Variants in PYROXD2 observed in about 807,000 individuals in gnomAD.
The protein encoded by PYROXD2 is pyridine nucleotide-disulfide oxidoreductase domain-containing protein 2.
PYROXD2 carries 69 observed loss-of-function variants against 71.1 expected under a neutral mutation model. The ratio of observed to expected loss-of-function variants is 0.97; its 90% confidence interval spans 0.80 to 1.19. The LOEUF (loss-of-function observed/expected upper bound fraction) is 1.19, where lower values mean the gene tolerates loss of function less well. Ranked by LOEUF, PYROXD2 falls within the 50% of genes most tolerant of loss-of-function variation. The pLI is 0.00. For synonymous variants in PYROXD2, 287 were observed against 302.7 expected, an observed-to-expected ratio of 0.95 and a Z score of 0.54; for missense variants, 745 against 748.9, an observed-to-expected ratio of 0.99 and a Z score of 0.06.
chr10:98,410,538 A>G (rs143454109), intron 2 of PYROXD2: 68 of 222,886 alleles, frequency 3.1e-4, no homozygotes, highest in African/African-American at 1.5e-3. Context: ...ACAGGGCTCT[A>G]GACACAAGGG....
At chr10:98,394,112 C>T (rs568732898) in intron 8 of PYROXD2, among the ~76,000 whole-genome samples, 2 of 152,214 alleles carry the variant, frequency 1.3e-5, no homozygotes, top group Non-Finnish European at 2.9e-5. Context: ...CATCATCACT[C>T]GCTCTGTGTC....
At chr10:98,410,606 T>G in intron 2 of PYROXD2, 3 of 343,262 alleles carry the variant, frequency 8.7e-6, no homozygotes, top group African/African-American at 2.1e-5. Context: ...AATCCCCTGG[T>G]TCCCACCTGC....
intron 2 of PYROXD2, 84 bp downstream of exon 2, chr10:98,410,855 C>A: frequency 6.5e-7 from 1 of 1,548,388 alleles, no homozygotes; most frequent in Non-Finnish European, 8.7e-7. Flanking sequence ...CCTTATCCCA[C>A]CTGCTTCTTC....
At chr10:98,394,645 T>C (rs920676424) in intron 8 of PYROXD2, among the ~76,000 whole-genome samples, 1 of 151,876 alleles carries the variant, frequency 6.6e-6, no homozygotes, top group South Asian at 2.1e-4. Context: ...TTGCTGTGTC[T>C]GACTGCCACC....
At position 98,386,104 on chromosome 10, in the gene PYROXD2, C is replaced by A. The variant is rs551070354; in HGVS notation, c.1555-1037G>T. On this transcript the variant is annotated intron_variant, in intron 14 of 15. Transcript: ENST00000370575. ...CCAGCCTAGACAACACAGGGAGACT[C>A]ATCTCTACAAAAAAAAAAAAAAATT... Among the ~76,000 whole-genome samples, 490 of 141,326 alleles carry A rather than the reference C, an allele frequency of 3.5e-3. 4 individuals are homozygous for A. Among genetic ancestry groups the A allele is most frequent in the Non-Finnish European group, 5.7e-3 (374 of 65,888 alleles). The allele number at this position is 141,326 out of a possible 152,430, so 92.7% of individuals were successfully genotyped here.
intron 4 of PYROXD2, among the ~76,000 whole-genome samples, chr10:98,405,757 G>C (rs1318577511): frequency 6.6e-6 from 1 of 152,236 alleles, no homozygotes; most frequent in African/African-American, 2.4e-5. Flanking sequence ...AGAGACGTGT[G>C]AGTCTGGGCG....
rs1018837828 is a variant in PYROXD2 at position 98,415,099 on chromosome 10, C to T, written c.37G>A (p.Ala13Thr). The T allele has an allele frequency of 1.2e-6, 2 of 1,613,880 alleles. No homozygotes were observed. The highest frequency in any genetic ancestry group is 8.5e-7 in the Non-Finnish European group (1 of 1,179,964). ...ASGRGLCKAV[A>T]ASPFPAWRRD... is the part of the protein sequence containing the mutation. ...CTCCACGCCGGGAAGGGAGAGGCGG[C>T]CACAGCCTTGCAGAGACCTCGGCCA... Residue 13 changes from alanine (A) to threonine (T), a missense_variant, in exon 1 of 16, where the codon GCC becomes ACC. Transcript: ENST00000370575.
chr10:98,412,588 A>C (rs570561357), intron 1 of PYROXD2, among the ~76,000 whole-genome samples: 16 of 152,242 alleles, frequency 1.1e-4, no homozygotes, highest in African/African-American at 3.6e-4. Flanking sequence ...ATTTAGTCAA[A>C]TGACTAAATG....
intron 14 of PYROXD2, among the ~76,000 whole-genome samples, chr10:98,386,319 A>C: frequency 8.3e-6 from 1 of 119,766 alleles, no homozygotes. Flanking sequence ...GGAAACAAGG[A>C]AGGGAGGGAG....
chr10:98,414,044 A>G (rs1161247635), intron 1 of PYROXD2: 1 of 151,942 alleles, frequency 6.6e-6, no homozygotes, highest in Non-Finnish European at 1.5e-5. Context: ...GTGTATATAT[A>G]TGTACGTAAC....
chr10:98,391,003 C>A lies in PYROXD2; in HGVS notation c.1135+7G>T. 1 of 1,607,544 alleles carries A rather than the reference C, an allele frequency of 6.2e-7. No individual in the cohort carries two copies. The highest frequency in any genetic ancestry group is 2.2e-5 in the East Asian group (1 of 44,856). On this transcript the variant is annotated splice_region_variant and intron_variant, in intron 11 of 15. Coordinates refer to ENST00000370575, the MANE Select transcript of PYROXD2 (RefSeq NM_032709.3). ...GAGACAGTGCTGCAATGTGGTGTGC[C>A]TCTTACCATTGATCTTGGTGACAGG...
intron 1 of PYROXD2, 172 bp downstream of exon 1, chr10:98,414,837 G>C (rs886874025): frequency 2.3e-5 from 23 of 1,004,730 alleles, no homozygotes; most frequent in South Asian, 8.2e-5. Context: ...GTGCCTGCCT[G>C]CCAGATGGAA....
At chr10:98,391,233 C>A (rs976877340) in intron 10 of PYROXD2, 151 bp from the exon 11 acceptor site, 40 of 639,730 alleles carry the variant, frequency 6.3e-5, no homozygotes, top group Non-Finnish European at 9.6e-5. Context: ...CCCTGTGAAG[C>A]CTTCCTAGAT....
At chr10:98,384,813 CA>C in intron 15 of PYROXD2, 133 bp downstream of exon 15, 1 of 1,299,700 alleles carries the variant, frequency 7.7e-7, no homozygotes, top group Non-Finnish European at 1.0e-6. Flanking sequence ...GAACACAGGG[CA>C]GCTTATGTTG....
chr10:98,414,873 G>A, intron 1 of PYROXD2, 136 bp downstream of exon 1: 1 of 1,309,468 alleles, frequency 7.6e-7, no homozygotes, highest in Non-Finnish European at 1.0e-6. Flanking sequence ...GCCCCTGCTA[G>A]CGTATAAACT....
Position 98,400,213 on chromosome 10 carries a change from G to A in PYROXD2, c.360C>T (p.Thr120=), listed in dbSNP as rs758925236. 1.2e-6 allele frequency: 2 copies of A among 1,612,862 alleles called. No individual in the cohort carries two copies. Among genetic ancestry groups the A allele is most frequent in the Non-Finnish European group, 1.7e-6 (2 of 1,179,418 alleles). Residue 120 remains threonine (T), a synonymous_variant, in exon 5 of 16, where the codon ACC becomes ACT. Coordinates refer to ENST00000370575, the MANE Select transcript of PYROXD2 (RefSeq NM_032709.3). ...RLHLRNPYSF[T]PMLEEGAGSK... ...TGCCTGCACCCTCTTCCAGCATGGG[G>A]GTGAAGGAGTAGGGGTTTCGAAGAT...
At chr10:98,389,346 C>T (rs1339647836) in intron 12 of PYROXD2, among the ~76,000 whole-genome samples, 1 of 152,200 alleles carries the variant, frequency 6.6e-6, no homozygotes, top group African/African-American at 2.4e-5. Context: ...CCCCTGCCCC[C>T]ACCCTTGTCC....
intron 12 of PYROXD2, among the ~76,000 whole-genome samples, chr10:98,389,070 C>T (rs532578365): frequency 1.3e-4 from 20 of 152,246 alleles, no homozygotes; most frequent in Admixed American, 2.0e-4. Context: ...GGGAAATGCC[C>T]CTTCTCCCTG....
At chr10:98,393,363 G>A (rs1843018365) in intron 8 of PYROXD2, among the ~76,000 whole-genome samples, 1 of 152,184 alleles carries the variant, frequency 6.6e-6, no homozygotes. Flanking sequence ...CAGCTCCGGT[G>A]TCCAGCTACC....
Sources: gnomAD v4.1 joint callset for allele counts (sites outside exome capture counted in the v4.1 genomes callset) on GRCh38, gnomAD v4.1.1 for gene constraint, MANE v1.5 for transcripts, NCBI Gene and HGNC (gene_info 2026-07-23, HGNC 2026-07-21) for gene names.